PREX2: variants seen among roughly 807,000 people sequenced by gnomAD.
PREX2 encodes phosphatidylinositol 3,4,5-trisphosphate-dependent Rac exchanger 2 protein.
PREX2 carries 107 observed loss-of-function variants against 203.2 expected under a neutral mutation model. That is an observed-to-expected ratio of 0.53 (90% CI 0.45 to 0.62). The LOEUF (loss-of-function observed/expected upper bound fraction) is 0.62, where lower values mean the gene tolerates loss of function less well. Among genes scored for constraint, PREX2 ranks in the 20% least tolerant of loss-of-function variants. The probability of loss-of-function intolerance (pLI) is 0.00; values close to 1 mark genes in which losing one functional copy is unlikely to be tolerated. For missense variants in PREX2, 1,777 were observed against 1,955.9 expected, an observed-to-expected ratio of 0.91 and a Z score of 1.72; for synonymous variants, 672 against 663.6, an observed-to-expected ratio of 1.01 and a Z score of -0.19.
intron 37 of PREX2, among the ~76,000 whole-genome samples, chr8:68,203,264 G>C (rs542937543): frequency 6.6e-6 from 1 of 152,290 alleles, no homozygotes; most frequent in African/African-American, 2.4e-5. Context: ...TCACAGAGGA[G>C]TATCGATGAT....
At chr8:68,075,715 A>G (rs1000161768) in intron 14 of PREX2, among the ~76,000 whole-genome samples, 18 of 152,226 alleles carry the variant, frequency 1.2e-4, no homozygotes, top group African/African-American at 4.3e-4. Flanking sequence ...AAAAATAAGT[A>G]TCTTTTGAAT....
intron 35 of PREX2, among the ~76,000 whole-genome samples, chr8:68,182,400 A>C (rs575191145): frequency 3.9e-5 from 6 of 152,090 alleles, no homozygotes; most frequent in African/African-American, 1.4e-4. Context: ...ATTGGTAAGC[A>C]TACTCACTCT....
chr8:68,130,027 C>T (rs979437102), intron 31 of PREX2, among the ~76,000 whole-genome samples: 1 of 148,802 alleles, frequency 6.7e-6, no homozygotes, highest in African/African-American at 2.5e-5. Context: ...TTTATAATCC[C>T]AGCACTTTGG....
intron 34 of PREX2, among the ~76,000 whole-genome samples, chr8:68,155,883 T>C (rs973166030): frequency 6.6e-6 from 1 of 152,226 alleles, no homozygotes; most frequent in Admixed American, 6.5e-5. Flanking sequence ...CTTTTCAAAA[T>C]ACATTTAAAA....
At chr8:67,974,611 TTGGCCAAGTATGAGGG>T (rs1436758090) in intron 1 of PREX2, among the ~76,000 whole-genome samples, 1 of 152,004 alleles carries the variant, frequency 6.6e-6, no homozygotes, top group Non-Finnish European at 1.5e-5. Flanking sequence ...AATAATTGGG[TTGGCCAAGTATGAGGG>T]TGAGAACATT....
At chr8:67,986,976 AC>A (rs1806448895) in intron 1 of PREX2, among the ~76,000 whole-genome samples, 1 of 151,762 alleles carries the variant, frequency 6.6e-6, no homozygotes. Context: ...CCATGGTGAA[AC>A]CCTGTCTGTA....
intron 33 of PREX2, among the ~76,000 whole-genome samples, chr8:68,139,422 G>T (rs973984848): frequency 5.9e-5 from 9 of 152,188 alleles, no homozygotes; most frequent in African/African-American, 2.2e-4. Flanking sequence ...AGTGGAGCAA[G>T]TGAGGGGAAC....
At chr8:68,213,181 C>A (rs934386959) in intron 37 of PREX2, among the ~76,000 whole-genome samples, 2 of 152,304 alleles carry the variant, frequency 1.3e-5, no homozygotes, top group East Asian at 3.9e-4. Flanking sequence ...CTGACTGCAT[C>A]CCAACTCAAC....
At chr8:67,971,046 T>C (rs1377659074) in intron 1 of PREX2, among the ~76,000 whole-genome samples, 1 of 152,080 alleles carries the variant, frequency 6.6e-6, no homozygotes, top group Non-Finnish European at 1.5e-5. Flanking sequence ...AGTGGTCCCA[T>C]TGAAGAGTAG....
At chr8:68,108,568 C>G (rs1810465897) in intron 24 of PREX2, among the ~76,000 whole-genome samples, 1 of 152,092 alleles carries the variant, frequency 6.6e-6, no homozygotes, top group Non-Finnish European at 1.5e-5. Flanking sequence ...TCTTGCTTTC[C>G]TTATGCATAT....
intron 15 of PREX2, among the ~76,000 whole-genome samples, chr8:68,077,943 T>A (rs1406288380): frequency 1.3e-5 from 2 of 152,130 alleles, no homozygotes; most frequent in Non-Finnish European, 2.9e-5. Flanking sequence ...TAGAAAAAAA[T>A]TATTTTTAAT....
In PREX2 at chr8:68,102,890, C is replaced by T. The variant is rs890712092; in HGVS notation, c.2715+3047C>T. 1.9e-5 allele frequency: 10 copies of T among 517,964 alleles called. 1 individual carries two copies. In the Middle Eastern group the frequency reaches 9.6e-4, roughly 49 times the overall value. 32.1% of individuals were successfully genotyped at this position (517,964 alleles called of 1,614,324 possible). A position where few individuals can be genotyped will look rare whatever the true frequency, so the allele number is the denominator to read the frequency against. ...ACTGATGACCTGGATGAATCTTAAG[C>T]GAGATGTTTTTCTCTGTGGAGCAGG... On this transcript the variant is annotated intron_variant, in intron 23 of 39. Transcript: ENST00000288368.
chr8:68,059,256 C>G (rs944571855), intron 10 of PREX2, among the ~76,000 whole-genome samples: 1 of 151,634 alleles, frequency 6.6e-6, no homozygotes, highest in African/African-American at 2.4e-5. Context: ...TGTAAAATGT[C>G]TCTGTATTTA....
chr8:68,077,716 A>G (rs970044307), intron 15 of PREX2, among the ~76,000 whole-genome samples: 6 of 152,136 alleles, frequency 3.9e-5, no homozygotes, highest in African/African-American at 1.4e-4. Flanking sequence ...GACTATGCTG[A>G]TTCTAGAAGA....
intron 1 of PREX2, among the ~76,000 whole-genome samples, chr8:67,980,618 C>G (rs1404155857): frequency 6.6e-6 from 1 of 152,184 alleles, no homozygotes; most frequent in Non-Finnish European, 1.5e-5. Context: ...CAAATATCAT[C>G]TTGAATTGTC....
At chr8:68,124,290 A>T (rs894419644) in intron 30 of PREX2, among the ~76,000 whole-genome samples, 1 of 152,154 alleles carries the variant, frequency 6.6e-6, no homozygotes, top group African/African-American at 2.4e-5. Context: ...CCTGTATTCC[A>T]GGGAATACTA....
Position 67,952,370 on chromosome 8 carries a change from G to A in PREX2, c.-25G>A, listed in dbSNP as rs1329946893. ...GTCAGCGCTCAGCACGGCGGGCAGCGCCGCGCTGCGCACCGCCGCCGACCA... is the reference window on the plus strand; with the variant it reads ...GTCAGCGCTCAGCACGGCGGGCAGCACCGCGCTGCGCACCGCCGCCGACCA... On this transcript the variant is annotated 5_prime_UTR_variant, in exon 1 of 40. Coordinates refer to ENST00000288368, the MANE Select transcript of PREX2 (RefSeq NM_024870.4). 2.0e-6 allele frequency: 3 copies of A among 1,512,784 alleles called. No individual in the cohort carries two copies. The highest frequency in any genetic ancestry group is 2.1e-4 in the Middle Eastern group (1 of 4,808). The allele number at this position is 1,512,784 out of a possible 1,614,324, so 93.7% of individuals were successfully genotyped here.
chr8:68,173,309 T>G (rs1811915431), intron 35 of PREX2, among the ~76,000 whole-genome samples: 1 of 152,168 alleles, frequency 6.6e-6, no homozygotes, highest in South Asian at 2.1e-4. Flanking sequence ...GTTGGAGACA[T>G]CTCAAGAAAA....
At chr8:68,026,589 C>T (rs907158026) in intron 4 of PREX2, among the ~76,000 whole-genome samples, 2 of 152,002 alleles carry the variant, frequency 1.3e-5, no homozygotes, top group Non-Finnish European at 2.9e-5. Context: ...TTTCACCCCA[C>T]TCTGATTCCT....
Sources: gnomAD v4.1 joint callset for allele counts (sites outside exome capture counted in the v4.1 genomes callset) on GRCh38, gnomAD v4.1.1 for gene constraint, MANE v1.5 for transcripts, NCBI Gene and HGNC (gene_info 2026-07-23, HGNC 2026-07-21) for gene names.